Variants in ZNF454 observed in about 807,000 individuals in gnomAD.
ZNF454 encodes zinc finger protein 454.
In ZNF454, 30 loss-of-function variants were observed where a neutral mutation model predicts 48.2. That is an observed-to-expected ratio of 0.62 (90% confidence interval 0.47 to 0.84). The LOEUF is 0.84. Ranked by LOEUF, ZNF454 falls within the 40% of genes least tolerant of loss-of-function variation. The probability of loss-of-function intolerance (pLI) is 0.00; values close to 1 mark genes in which losing one functional copy is unlikely to be tolerated. For missense variants in ZNF454, 510 were observed against 623.1 expected, an observed-to-expected ratio of 0.82 and a Z score of 1.93; for synonymous variants, 204 against 211.4, an observed-to-expected ratio of 0.97 and a Z score of 0.30.
intron 4 of ZNF454, 88 bp downstream of exon 4, chr5:178,947,074 AC>A (rs1759369006): frequency 9.6e-7 from 1 of 1,043,558 alleles, no homozygotes; most frequent in African/African-American, 1.6e-5. Context: ...TTGCAGATGC[AC>A]CTGCCTGAGG....
At position 178,964,732 on chromosome 5, in the gene ZNF454, A is replaced by G. The variant is rs1760089399; in HGVS notation, c.328A>G (p.Ile110Val). The G allele has an allele frequency of 1.9e-6, 3 of 1,614,236 alleles. No homozygotes were observed. Among genetic ancestry groups the G allele is most frequent in the East Asian group, 2.2e-5 (1 of 44,878 alleles). ...IPEEELDQWT[I>V]KERFSSSSHW... ...TGAAGAAGAATTGGATCAATGGACA[A>G]TAAAGGAAAGATTCAGTAGCAGTAG... The change falls in exon 5 of 5, where the codon ATA (isoleucine) becomes GTA (valine). Residue 110 changes from isoleucine to valine, a missense_variant. This residue lies in a region of ZNF454 where 354 missense variants were observed against 408.9 expected (regional missense o/e 0.87). Transcript: ENST00000519564.
the ZNF454 span, among the ~76,000 whole-genome samples, chr5:178,984,727 C>T: frequency 9.1e-3 from 1,378 of 152,232 alleles, 18 homozygotes; most frequent in African/African-American, 0.032. Flanking sequence ...TGGAGGAAGA[C>T]GGGAGCACCT....
chr5:178,985,626 C>A, the ZNF454 span: 107 of 369,242 alleles, frequency 2.9e-4, no homozygotes, highest in African/African-American at 2.2e-3. Context: ...TGGCGTGAAC[C>A]CGGAAGGCAG....
chr5:178,941,543 A>G lies in ZNF454; in HGVS notation c.-108+99A>G. ...GAGTGCCTGTGGAGGAGATGGAGCC[A>G]GGGCCTCTGGCATGTGTCTTGGAGC... On this transcript the variant is annotated intron_variant, in intron 1 of 4. Transcript: ENST00000519564. The surrounding 1 kb of genome is among the most constrained non-coding windows in gnomAD (Gnocchi z 5.5). 2.2e-6 allele frequency: 1 copy of G among 455,790 alleles called. No individual in the cohort carries two copies. Among genetic ancestry groups the G allele is most frequent in the South Asian group, 1.6e-5 (1 of 64,444 alleles). The allele number at this position is 455,790 out of a possible 1,614,324, so 28.2% of individuals were successfully genotyped here.
chr5:178,977,723 C>CCATG, the ZNF454 span, among the ~76,000 whole-genome samples: 6 of 152,070 alleles, frequency 3.9e-5, no homozygotes, highest in Admixed American at 2.6e-4. Context: ...ACATGTGCCA[C>CCATG]CATGCCCAGC....
the ZNF454 span, chr5:178,986,865 G>T: frequency 1.2e-6 from 2 of 1,613,976 alleles, no homozygotes; most frequent in Non-Finnish European, 1.7e-6. Flanking sequence ...CTGCCCACTG[G>T]CCCACTGCCT....
downstream of ZNF454, chr5:178,969,713 C>T: frequency 4.4e-6 from 2 of 452,278 alleles, no homozygotes; most frequent in Non-Finnish European, 8.9e-6. Context: ...TGAGAAGCAG[C>T]TCCTGGCCTC....
the ZNF454 span, among the ~76,000 whole-genome samples, chr5:178,972,215 T>C: frequency 6.6e-6 from 1 of 152,296 alleles, no homozygotes; most frequent in South Asian, 2.1e-4. Context: ...ATTACAGGTG[T>C]GAGCCACCGC....
the ZNF454 span, chr5:178,983,644 A>G: frequency 2.8e-6 from 1 of 351,344 alleles, no homozygotes; most frequent in South Asian, 2.1e-5. Flanking sequence ...CCTCACGTGT[A>G]CTGAGCTTCA....
chr5:178,973,800 G>A, the ZNF454 span, among the ~76,000 whole-genome samples: 6 of 144,768 alleles, frequency 4.1e-5, no homozygotes, highest in East Asian at 2.0e-4. Context: ...CCGAGATCGC[G>A]CCACTGCACT....
chr5:178,985,585 C>T, the ZNF454 span: 9 of 348,704 alleles, frequency 2.6e-5, no homozygotes, highest in African/African-American at 6.5e-5. Flanking sequence ...CGCCTGTAGT[C>T]CCAGCTACTC....
At chr5:178,984,290 G>A in the ZNF454 span, among the ~76,000 whole-genome samples, 2 of 39,360 alleles carry the variant, frequency 5.1e-5, no homozygotes, top group African/African-American at 8.7e-5. Flanking sequence ...GAGCGAGCGA[G>A]CACGCCTCAC....
the ZNF454 span, among the ~76,000 whole-genome samples, chr5:178,971,725 G>A: frequency 1.3e-5 from 2 of 151,542 alleles, no homozygotes; most frequent in African/African-American, 2.4e-5. Context: ...GTGTGGTGGC[G>A]GGCGCATGTA....
In ZNF454 at chr5:178,964,341, C is replaced by T. The variant is rs13436789; in HGVS notation, c.251-314C>T. 1.3e-3 allele frequency among the ~76,000 whole-genome samples: 203 copies of T among 152,134 alleles called. 2 individuals carry two copies. Among genetic ancestry groups the T allele is most frequent in the African/African-American group, 4.2e-3 (173 of 41,524 alleles). On this transcript the variant is annotated intron_variant, in intron 4 of 4. Transcript: ENST00000519564. The stretch of plus-strand genomic sequence containing the variant: ...TTCACCGTGTTAGCCAGGATGGTCT[C>T]GATCTCCTGACCTCGTGATCCACCC...
the ZNF454 span, chr5:178,985,601 G>A: frequency 2.9e-4 from 101 of 351,694 alleles, no homozygotes; most frequent in Admixed American, 1.7e-3. Flanking sequence ...TACTCGGGAG[G>A]CTGAGGCAGG....
At chr5:178,976,648 T>C in the ZNF454 span, among the ~76,000 whole-genome samples, 3 of 152,272 alleles carry the variant, frequency 2.0e-5, no homozygotes, top group African/African-American at 7.2e-5. Flanking sequence ...TGGCTTTTAG[T>C]GACTGTGGGA....
At chr5:178,982,992 A>G in the ZNF454 span, 2 of 1,614,056 alleles carry the variant, frequency 1.2e-6, no homozygotes, top group African/African-American at 2.7e-5. Context: ...GGTGAAGCCG[A>G]TGGGCTTGGC....
chr5:178,951,138 A>T (rs1040424931), intron 4 of ZNF454, among the ~76,000 whole-genome samples: 2 of 152,130 alleles, frequency 1.3e-5, no homozygotes, highest in Admixed American at 6.6e-5. Flanking sequence ...GATTACAGGC[A>T]TGAGCCACTG....
At chr5:178,989,530 AC>A in the ZNF454 span, 1 of 1,198,612 alleles carries the variant, frequency 8.3e-7, no homozygotes, top group South Asian at 1.3e-5. Context: ...GGCCAGGTGA[AC>A]TAGGCATGGC....
Sources: gnomAD v4.1 joint callset for allele counts (sites outside exome capture counted in the v4.1 genomes callset) on GRCh38, gnomAD v4.1.1 for gene constraint, gnomAD v4.1.1 regional missense constraint, Gnocchi (gnomAD v3.1) non-coding constraint, MANE v1.5 for transcripts, NCBI Gene and HGNC (gene_info 2026-07-23, HGNC 2026-07-21) for gene names.